Variants in MAGI2 observed in about 807,000 individuals in gnomAD.
MAGI2 encodes membrane-associated guanylate kinase, WW and PDZ domain-containing protein 2.
In MAGI2, 35 loss-of-function variants were observed where a neutral mutation model predicts 133.3. The observed-to-expected ratio is 0.26, with a 90% CI of 0.20 to 0.35. The LOEUF (loss-of-function observed/expected upper bound fraction) is 0.35. Ranked by LOEUF, MAGI2 falls within the 10% of genes least tolerant of loss-of-function variation. MAGI2 has a pLI of 1.00. For missense variants in MAGI2, 1,636 were observed against 1,863.4 expected (o/e 0.88, Z 2.25); for synonymous variants, 729 against 710.6 (o/e 1.03, Z -0.41).
intron 9 of MAGI2, among the ~76,000 whole-genome samples, chr7:78,268,287 G>C (rs920122610): frequency 1.3e-5 from 2 of 151,908 alleles, no homozygotes; most frequent in Non-Finnish European, 2.9e-5. Context: ...CAAAATTTTG[G>C]ATATTTTAAA....
At chr7:79,288,038 C>T (rs1836156330) in intron 1 of MAGI2, among the ~76,000 whole-genome samples, 2 of 152,032 alleles carry the variant, frequency 1.3e-5, no homozygotes, top group African/African-American at 4.8e-5. Context: ...TCTATCTCAC[C>T]TATATTTATC....
intron 21 of MAGI2, among the ~76,000 whole-genome samples, chr7:78,071,990 CTTT>C (rs569546696): frequency 7.5e-4 from 114 of 152,276 alleles, no homozygotes; most frequent in African/African-American, 2.7e-3. Flanking sequence ...CGTCCTTTGT[CTTT>C]TATTGAGGAG....
rs1794649215 is a variant in MAGI2, at chr7:78,501,776, G to A, written c.766C>T (p.His256Tyr). 1 of 1,613,352 alleles carries A rather than the reference G, an allele frequency of 6.2e-7. No individual in the cohort carries two copies. The highest frequency in any genetic ancestry group is 8.5e-7 in the Non-Finnish European group (1 of 1,179,880). Residue 256 changes from histidine (H) to tyrosine (Y), a missense_variant, in exon 5 of 22, where the codon CAT becomes TAT. By Grantham distance (83) the His-to-Tyr change is moderately conservative (BLOSUM62 2). This residue lies in a region of MAGI2 where 165 missense variants were observed against 128.4 expected (regional missense o/e 1.28). Transcript: ENST00000354212. The part of the protein sequence containing the change: ...GVVVTPESSE[H>Y]EDKSAGASGE... ...GAGGCACCTGCACTTTTGTCTTCATGTTCACTGGATTCTATAAGAGAACAA... is the reference window on the plus strand; with the variant it reads ...GAGGCACCTGCACTTTTGTCTTCATATTCACTGGATTCTATAAGAGAACAA...
intron 20 of MAGI2, among the ~76,000 whole-genome samples, chr7:78,089,973 C>T (rs185289349): frequency 2.0e-5 from 3 of 152,324 alleles, no homozygotes; most frequent in Admixed American, 6.5e-5. Context: ...TCTGGCTTAT[C>T]ACCACCCTTC....
intron 2 of MAGI2, among the ~76,000 whole-genome samples, chr7:78,689,351 C>A (rs977429465): frequency 7.2e-5 from 11 of 151,954 alleles, no homozygotes; most frequent in African/African-American, 1.9e-4. Context: ...GAACAAAGAG[C>A]ATTTATCATA....
At chr7:78,639,219 CAG>C (rs1237912988) in intron 2 of MAGI2, among the ~76,000 whole-genome samples, 1 of 152,174 alleles carries the variant, frequency 6.6e-6, no homozygotes, top group Non-Finnish European at 1.5e-5. Flanking sequence ...TAGTAGAATA[CAG>C]AGTCTACAGA....
chr7:78,113,967 T>G (rs559002019), intron 20 of MAGI2, among the ~76,000 whole-genome samples: 1 of 152,296 alleles, frequency 6.6e-6, no homozygotes, highest in African/African-American at 2.4e-5. Context: ...ATTGCTAGAG[T>G]TGACTCAACT....
chr7:78,858,557 C>T (rs567335477), intron 2 of MAGI2, among the ~76,000 whole-genome samples: 7 of 152,166 alleles, frequency 4.6e-5, no homozygotes, highest in African/African-American at 7.2e-5. Flanking sequence ...TGTAGTTGAG[C>T]GGTTTTGAGT....
At chr7:78,475,590 A>T (rs998111778) in intron 6 of MAGI2, among the ~76,000 whole-genome samples, 2 of 151,954 alleles carry the variant, frequency 1.3e-5, no homozygotes, top group Non-Finnish European at 2.9e-5. Flanking sequence ...AGATGGAGTG[A>T]ACTGAAATTA....
At chr7:78,512,009 G>A (rs1037583123) in intron 4 of MAGI2, among the ~76,000 whole-genome samples, 28 of 152,086 alleles carry the variant, frequency 1.8e-4, no homozygotes, top group African/African-American at 6.5e-4. Context: ...TGCAGTCCCA[G>A]CTACTAGGGA....
intron 1 of MAGI2, among the ~76,000 whole-genome samples, chr7:79,378,531 T>C (rs926389094): frequency 1.3e-5 from 2 of 151,604 alleles, no homozygotes; most frequent in Non-Finnish European, 3.0e-5. Context: ...AGGGTTTTTT[T>C]TTAATGGAAG....
chr7:78,135,980 A>T (rs1239837682), intron 16 of MAGI2, among the ~76,000 whole-genome samples: 1 of 152,240 alleles, frequency 6.6e-6, no homozygotes, highest in African/African-American at 2.4e-5. Context: ...AAAAAGAAAC[A>T]CTGCTAACTA....
At chr7:78,154,013 A>G (rs17149352) in intron 16 of MAGI2, among the ~76,000 whole-genome samples, 17,376 of 152,202 alleles carry the variant, frequency 0.11, 1,041 homozygotes, top group Non-Finnish European at 0.12. Context: ...TCTAATTTCA[A>G]TGATTATTCA....
chr7:78,742,573 T>G (rs1822536137), intron 2 of MAGI2, among the ~76,000 whole-genome samples: 1 of 152,222 alleles, frequency 6.6e-6, no homozygotes. Flanking sequence ...TAAGATCCCA[T>G]GCCATCTTTG....
At chr7:79,207,205 G>T (rs1829129818) in intron 1 of MAGI2, among the ~76,000 whole-genome samples, 1 of 151,854 alleles carries the variant, frequency 6.6e-6, no homozygotes, top group Non-Finnish European at 1.5e-5. Context: ...ATACAGTACT[G>T]CACGTTCTAG....
In MAGI2 at chr7:78,637,746, A is replaced by C. The variant is rs140075422; in HGVS notation, c.419-10507T>G. Among the ~76,000 whole-genome samples the C allele has an allele frequency of 7.9e-3, 1,209 of 152,296 alleles. 43 individuals carry two copies. The highest frequency in any genetic ancestry group is 0.054 in the East Asian group (281 of 5,184). The stretch of plus-strand genomic sequence containing the variant: ...ATTAATTCCATAGTTTTATTTGCAC[A>C]ATTAAGTCCCTGGTGTAAACACTAG... On this transcript the variant is annotated intron_variant, in intron 2 of 21. Transcript: ENST00000354212.
At chr7:78,047,681 C>T (rs1001081417) in intron 21 of MAGI2, among the ~76,000 whole-genome samples, 4 of 152,230 alleles carry the variant, frequency 2.6e-5, no homozygotes, top group Non-Finnish European at 5.9e-5. Flanking sequence ...CCCCCAGCTC[C>T]AGGAACTCCT....
At chr7:78,699,089 TG>T (rs1488146399) in intron 2 of MAGI2, among the ~76,000 whole-genome samples, 1 of 152,222 alleles carries the variant, frequency 6.6e-6, no homozygotes, top group African/African-American at 2.4e-5. Flanking sequence ...TGCTTTCTGA[TG>T]GCTCACTGTA....
chr7:78,720,860 C>T lies in MAGI2; in HGVS notation c.419-93621G>A, dbSNP rs141618522. Reference sequence around the variant, plus strand: ...CCCTTGGATCTAACCTGTGGTTCCACAAAGGATATAAAAATAGCAAGTGTG... The same window carrying T: ...CCCTTGGATCTAACCTGTGGTTCCATAAAGGATATAAAAATAGCAAGTGTG... On this transcript the variant is annotated intron_variant, in intron 2 of 21. Transcript: ENST00000354212. 3.9e-5 allele frequency among the ~76,000 whole-genome samples: 6 copies of T among 152,086 alleles called. No homozygotes were observed. The East Asian group carries it at 1.2e-3, about 29-fold the overall frequency.
Sources: allele counts gnomAD v4.1 joint callset (sites outside exome capture counted in the v4.1 genomes callset), GRCh38; gene constraint gnomAD v4.1.1; regional missense constraint gnomAD v4.1.1; transcripts MANE v1.5; gene names NCBI Gene and HGNC (gene_info 2026-07-23, HGNC 2026-07-21).